Variants in ARHGAP10 observed in about 807,000 individuals in gnomAD.
ARHGAP10 encodes rho GTPase-activating protein 10.
Under a neutral mutation model 108.6 loss-of-function variants are expected in ARHGAP10, and 87 were observed. The observed-to-expected ratio is 0.80, with a 90% confidence interval of 0.67 to 0.96. The LOEUF is 0.96. Among genes scored for constraint, ARHGAP10 ranks in the 40% least tolerant of loss-of-function variants. ARHGAP10 has a pLI of 0.00. For missense variants in ARHGAP10, 939 were observed against 954.5 expected, an observed-to-expected ratio of 0.98 and a Z score of 0.21; for synonymous variants, 347 against 341.1, an observed-to-expected ratio of 1.02 and a Z score of -0.19.
rs113857955 is a variant in ARHGAP10 at position 148,071,893 on chromosome 4, G to A, written c.2273-100G>A. 16,417 of 961,902 alleles carry A rather than the reference G, an allele frequency of 0.017. 1,429 individuals carry two copies. The African/African-American group carries it at 0.21, about 12-fold the overall frequency. The allele number at this position is 961,902 out of a possible 1,614,324, so 59.6% of individuals were successfully genotyped here. ...ACCCAACATCCCAGAAGTGGCCCCT[G>A]TTCTCTACTGGCCACTCCCTGCTTG... On this transcript the variant is annotated intron_variant, in intron 22 of 22. Transcript: ENST00000336498.
intron 16 of ARHGAP10, among the ~76,000 whole-genome samples, chr4:147,958,626 T>C (rs1361285000): frequency 6.6e-6 from 1 of 152,186 alleles, no homozygotes; most frequent in Non-Finnish European, 1.5e-5. Flanking sequence ...CCTCTTAGCT[T>C]GATGTATTCA....
chr4:147,869,641 C>G (rs1734717858), intron 7 of ARHGAP10, among the ~76,000 whole-genome samples: 1 of 151,700 alleles, frequency 6.6e-6, no homozygotes, highest in South Asian at 2.1e-4. Context: ...ATCAGTAAAT[C>G]TCCCTACATT....
intron 1 of ARHGAP10, among the ~76,000 whole-genome samples, chr4:147,750,147 A>G (rs1368514788): frequency 1.3e-5 from 2 of 152,182 alleles, no homozygotes; most frequent in Non-Finnish European, 2.9e-5. Flanking sequence ...AAAGCTTTAA[A>G]TTTGAAAGTG....
intron 19 of ARHGAP10, among the ~76,000 whole-genome samples, chr4:148,024,009 C>T (rs999548358): frequency 1.1e-4 from 16 of 152,226 alleles, no homozygotes; most frequent in South Asian, 2.1e-4. Flanking sequence ...ATCGTTGCCA[C>T]GTGGCCCTGT....
intron 1 of ARHGAP10, among the ~76,000 whole-genome samples, chr4:147,797,528 T>A (rs1261493546): frequency 1.3e-5 from 2 of 152,190 alleles, no homozygotes; most frequent in African/African-American, 4.8e-5. Context: ...TTCTCCTGCC[T>A]CAGCCTCTGG....
intron 5 of ARHGAP10, chr4:147,858,607 C>G (rs1343955565): frequency 6.6e-6 from 1 of 152,178 alleles, no homozygotes; most frequent in Non-Finnish European, 1.5e-5. Flanking sequence ...GAGAAAAGAG[C>G]TTTTACACCT....
At chr4:147,907,500 A>AG (rs1736542475) in intron 11 of ARHGAP10, among the ~76,000 whole-genome samples, 1 of 152,142 alleles carries the variant, frequency 6.6e-6, no homozygotes, top group Admixed American at 6.5e-5. Context: ...AGCATTGTTG[A>AG]GGGAAAAAAA....
intron 1 of ARHGAP10, among the ~76,000 whole-genome samples, chr4:147,798,625 CA>C (rs976164920): frequency 1.1e-4 from 16 of 151,444 alleles, no homozygotes; most frequent in African/African-American, 3.9e-4. Context: ...ACTAAAAATA[CA>C]AAAGATTAGC....
chr4:147,912,576 TATATATATATATATATATATATAA>T (rs1022365810), intron 12 of ARHGAP10, among the ~76,000 whole-genome samples: 1 of 111,880 alleles, frequency 8.9e-6, no homozygotes, highest in African/African-American at 4.6e-5. Flanking sequence ...TATATATATA[TATATATATATATATATATATATAA>T]AATTCCTGTG....
intron 1 of ARHGAP10, among the ~76,000 whole-genome samples, chr4:147,818,974 C>T (rs566343338): frequency 5.3e-5 from 8 of 152,190 alleles, no homozygotes; most frequent in African/African-American, 1.7e-4. Context: ...GATAGAAATG[C>T]TTATATTTTA....
intron 16 of ARHGAP10, among the ~76,000 whole-genome samples, chr4:147,958,650 A>T (rs1199855698): frequency 6.6e-6 from 1 of 152,210 alleles, no homozygotes; most frequent in East Asian, 1.9e-4. Context: ...CACGGTAGAT[A>T]CGAATGCCAC....
chr4:147,775,490 G>T (rs991843129), intron 1 of ARHGAP10, among the ~76,000 whole-genome samples: 2 of 152,076 alleles, frequency 1.3e-5, no homozygotes, highest in African/African-American at 4.8e-5. Flanking sequence ...CTGCATTAGG[G>T]GCCTATCAAG....
At chr4:147,912,681 G>A (rs1339368855) in intron 12 of ARHGAP10, among the ~76,000 whole-genome samples, 1 of 115,708 alleles carries the variant, frequency 8.6e-6, no homozygotes, top group Non-Finnish European at 1.7e-5. Flanking sequence ...GGGGAGACAG[G>A]GTATTGCTCT....
chr4:147,877,551 T>C (rs1240252906), intron 8 of ARHGAP10, among the ~76,000 whole-genome samples: 5 of 152,224 alleles, frequency 3.3e-5, no homozygotes, highest in Non-Finnish European at 7.3e-5. Context: ...TGATAACAGA[T>C]GTTAATTGCT....
intron 18 of ARHGAP10, among the ~76,000 whole-genome samples, chr4:148,000,022 A>T (rs747716349): frequency 2.6e-5 from 4 of 151,268 alleles, no homozygotes; most frequent in African/African-American, 9.7e-5. Flanking sequence ...GGTGTGCTGC[A>T]CCTATTAACT....
At chr4:148,007,821 T>C (rs114620525) in intron 18 of ARHGAP10, among the ~76,000 whole-genome samples, 2,078 of 152,328 alleles carry the variant, frequency 0.014, 59 homozygotes, top group African/African-American at 0.047. Context: ...AACTTAAAAA[T>C]TGATACTGTG....
intron 13 of ARHGAP10, among the ~76,000 whole-genome samples, chr4:147,935,054 C>A (rs897407216): frequency 6.6e-6 from 1 of 152,086 alleles, no homozygotes; most frequent in African/African-American, 2.4e-5. Flanking sequence ...TTGAATAAAT[C>A]TGTGAAGAGA....
chr4:148,059,053 A>G (rs1429862719), intron 20 of ARHGAP10, among the ~76,000 whole-genome samples: 1 of 152,200 alleles, frequency 6.6e-6, no homozygotes, highest in South Asian at 2.1e-4. Context: ...CAAGTTAGCA[A>G]TTTGAAATCT....
chr4:147,738,569 T>A (rs1484883533), intron 1 of ARHGAP10, among the ~76,000 whole-genome samples: 1 of 151,572 alleles, frequency 6.6e-6, no homozygotes, highest in Non-Finnish European at 1.5e-5. Context: ...CCAAAAAAAA[T>A]TATAATACGA....
Sources: gnomAD v4.1 joint callset for allele counts (sites outside exome capture counted in the v4.1 genomes callset) on GRCh38, gnomAD v4.1.1 for gene constraint, MANE v1.5 for transcripts, NCBI Gene and HGNC (gene_info 2026-07-23, HGNC 2026-07-21) for gene names.